Variants in THRB observed in about 807,000 individuals in gnomAD.
THRB encodes thyroid hormone receptor beta, also known as nuclear receptor subfamily 1 group A member 2.
Under a neutral mutation model 47.8 loss-of-function variants are expected in THRB, and 12 were observed. The ratio of observed to expected loss-of-function variants is 0.25; its 90% CI spans 0.16 to 0.41. The LOEUF is 0.41. Ranked by LOEUF, THRB falls within the 10% of genes least tolerant of loss-of-function variation. THRB has a pLI of 1.00. For synonymous variants in THRB, 218 were observed against 212.2 expected, an observed-to-expected ratio of 1.03 and a Z score of -0.24; for missense variants, 348 against 589.2, an observed-to-expected ratio of 0.59 and a Z score of 4.24.
chr3:24,223,192 C>G (rs1397039280), intron 4 of THRB, among the ~76,000 whole-genome samples: 2 of 152,356 alleles, frequency 1.3e-5, no homozygotes, highest in East Asian at 3.9e-4. Context: ...GTTTGCCCCT[C>G]CCTTGCCTCA....
chr3:24,287,587 C>G (rs979554804), intron 3 of THRB, among the ~76,000 whole-genome samples: 1 of 152,188 alleles, frequency 6.6e-6, no homozygotes, highest in Non-Finnish European at 1.5e-5. Flanking sequence ...TCCTGGTCAA[C>G]TTGAAAGGGA....
chr3:24,217,874 G>T lies in THRB; in HGVS notation c.22+11064C>A, dbSNP rs538556388. On this transcript the variant is annotated intron_variant, in intron 4 of 10. Coordinates refer to ENST00000646209, the MANE Select transcript of THRB (RefSeq NM_001354712.2). ...ATGTTTAAAGATGCTTATTTTATCA[G>T]GGATTGCAGAAAGGAAGAGATTGTA... 3.3e-5 allele frequency among the ~76,000 whole-genome samples: 5 copies of T among 152,296 alleles called. No individual in the cohort carries two copies. The South Asian group carries it at 1.0e-3, about 32-fold the overall frequency.
intron 3 of THRB, among the ~76,000 whole-genome samples, chr3:24,258,673 T>C (rs2051591248): frequency 1.3e-5 from 2 of 151,866 alleles, no homozygotes; most frequent in Middle Eastern, 6.8e-3. Flanking sequence ...TGCGGGCACA[T>C]CATTACTTTG....
At chr3:24,188,298 C>T (rs939153689) in intron 5 of THRB, among the ~76,000 whole-genome samples, 3 of 152,162 alleles carry the variant, frequency 2.0e-5, no homozygotes, top group African/African-American at 4.8e-5. Context: ...AAGTCAGGTA[C>T]TTTGCTAAAT....
intron 3 of THRB, among the ~76,000 whole-genome samples, chr3:24,279,374 T>C (rs895946987): frequency 8.6e-5 from 13 of 151,952 alleles, no homozygotes; most frequent in East Asian, 1.9e-4. Context: ...TCCTCAAGCA[T>C]TGCAATGAGT....
At chr3:24,345,856 A>G (rs1262395312) in intron 1 of THRB, among the ~76,000 whole-genome samples, 1 of 152,120 alleles carries the variant, frequency 6.6e-6, no homozygotes, top group Non-Finnish European at 1.5e-5. Context: ...GGATGCTTTA[A>G]CAGCGTATAC....
intron 2 of THRB, among the ~76,000 whole-genome samples, chr3:24,305,389 T>C (rs1396777702): frequency 3.9e-5 from 6 of 152,036 alleles, no homozygotes; most frequent in African/African-American, 1.4e-4. Flanking sequence ...TGGGTAGGGG[T>C]GGTGGATGTA....
At chr3:24,281,664 A>G (rs189224589) in intron 3 of THRB, among the ~76,000 whole-genome samples, 2,474 of 83,040 alleles carry the variant, frequency 0.03, 439 homozygotes, top group African/African-American at 0.09. Flanking sequence ...GTCAAGACCC[A>G]TCAGTGTGCT....
intron 1 of THRB, among the ~76,000 whole-genome samples, chr3:24,356,049 C>G (rs2063653808): frequency 6.6e-6 from 1 of 152,072 alleles, no homozygotes; most frequent in Admixed American, 6.6e-5. Flanking sequence ...CCTGTGAAAC[C>G]AGACAAATTA....
At chr3:24,330,634 T>C (rs2061865113) in intron 2 of THRB, among the ~76,000 whole-genome samples, 2 of 152,204 alleles carry the variant, frequency 1.3e-5, no homozygotes, top group Non-Finnish European at 2.9e-5. Context: ...TGTAGGCATC[T>C]ACTTATTAAT....
intron 1 of THRB, among the ~76,000 whole-genome samples, chr3:24,419,049 G>A (rs545417206): frequency 1.3e-5 from 2 of 152,008 alleles, no homozygotes; most frequent in Admixed American, 1.3e-4. Context: ...GCTCAGCATA[G>A]ACCCATGACT....
At chr3:24,280,803 G>A (rs1471444500) in intron 3 of THRB, among the ~76,000 whole-genome samples, 1 of 151,578 alleles carries the variant, frequency 6.6e-6, no homozygotes, top group South Asian at 2.1e-4. Flanking sequence ...GAAGCCTCAG[G>A]AGCCCATGCG....
chr3:24,467,782 CA>C (rs2074267810), intron 1 of THRB, among the ~76,000 whole-genome samples: 1 of 152,184 alleles, frequency 6.6e-6, no homozygotes, highest in South Asian at 2.1e-4. Flanking sequence ...GTAGATTTAG[CA>C]TAGTTCTTAA....
intron 1 of THRB, chr3:24,486,551 T>G (rs1054796914): frequency 2.0e-5 from 3 of 152,244 alleles, no homozygotes; most frequent in African/African-American, 7.2e-5. Flanking sequence ...GATACATGAA[T>G]GCATGTGCAC....
chr3:24,220,410 G>A (rs543363261), intron 4 of THRB, among the ~76,000 whole-genome samples: 15 of 152,306 alleles, frequency 9.8e-5, no homozygotes, highest in South Asian at 4.1e-4. Flanking sequence ...GGAATCACAC[G>A]AGCCTGGAAG....
At chr3:24,477,741 G>T (rs897156402) in intron 1 of THRB, among the ~76,000 whole-genome samples, 3 of 151,880 alleles carry the variant, frequency 2.0e-5, no homozygotes, top group Non-Finnish European at 2.9e-5. Context: ...GCAACATCGG[G>T]TCAGTAGATC....
chr3:24,176,099 C>T (rs145323496), intron 5 of THRB, among the ~76,000 whole-genome samples: 1 of 152,152 alleles, frequency 6.6e-6, no homozygotes, highest in East Asian at 1.9e-4. Flanking sequence ...AATTTAATGT[C>T]ACATTGTATA....
intron 1 of THRB, among the ~76,000 whole-genome samples, chr3:24,337,854 G>A (rs2062364330): frequency 1.3e-5 from 2 of 152,150 alleles, no homozygotes; most frequent in South Asian, 4.2e-4. Flanking sequence ...GGGAAGCGAT[G>A]GGTTCCTCAT....
At chr3:24,478,621 G>C (rs920950905) in intron 1 of THRB, among the ~76,000 whole-genome samples, 5 of 152,124 alleles carry the variant, frequency 3.3e-5, no homozygotes, top group Admixed American at 6.5e-5. Context: ...GGAAGAGGCA[G>C]TGAGAGACAG....
Sources: allele counts gnomAD v4.1 joint callset (sites outside exome capture counted in the v4.1 genomes callset), GRCh38; gene constraint gnomAD v4.1.1; transcripts MANE v1.5; gene names NCBI Gene and HGNC (gene_info 2026-07-23, HGNC 2026-07-21).